The following CSRNP2 variants were observed in gnomAD, a reference collection of about 807,000 sequenced individuals.
CSRNP2 encodes cysteine and serine rich nuclear protein 2.
In CSRNP2, 11 loss-of-function variants were observed where a neutral mutation model predicts 36.6. The observed-to-expected ratio is 0.30, with a 90% CI of 0.19 to 0.50. The LOEUF is 0.50. Among genes scored for constraint, CSRNP2 ranks in the 20% least tolerant of loss-of-function variants. The pLI is 0.98. For synonymous variants in CSRNP2, 248 were observed against 275.3 expected (o/e 0.90, Z 0.98); for missense variants, 483 against 691.4 (o/e 0.70, Z 3.38).
rs528182150 is a variant in CSRNP2 at position 51,067,168 on chromosome 12, A to ACAGTATTTAGGAAATACTGTTTAGGAAT, written c.708+477_708+504dup. On this transcript the variant is annotated intron_variant, in intron 4 of 4. Transcript: ENST00000228515. This position sits in a 1 kb window ranked among gnomAD's most constrained non-coding sequence, Gnocchi z 4.1. ...ATCTCAAGGAATCAGTATTTAGGAAACAGTATTTAGGAAATACTGTTTAGG... is the reference window on the plus strand; with the variant it reads ...ATCTCAAGGAATCAGTATTTAGGAAACAGTATTTAGGAAATACTGTTTAGGAATCAGTATTTAGGAAATACTGTTTAGG... Among the ~76,000 whole-genome samples, 1,535 of 151,800 alleles carry ACAGTATTTAGGAAATACTGTTTAGGAAT rather than the reference A, an allele frequency of 0.01. 15 individuals carry two copies. The highest frequency in any genetic ancestry group is 0.02 in the Middle Eastern group (6 of 294).
At chr12:51,077,756 T>C (rs1181182908) in intron 1 of CSRNP2, among the ~76,000 whole-genome samples, 2 of 152,184 alleles carry the variant, frequency 1.3e-5, no homozygotes, top group Non-Finnish European at 2.9e-5. Context: ...TGCAAGGACA[T>C]TGTAGCTTTA....
Position 51,063,555 on chromosome 12 carries a change from T to C in CSRNP2, c.*191A>G, listed in dbSNP as rs1937785190. On this transcript the variant is annotated 3_prime_UTR_variant, in exon 5 of 5. Transcript: ENST00000228515. ...CCCCAAGACTATCCCCAGATCAAGG[T>C]AGGGCTGGTCTCCTTGGTACTGTTT... 2.1e-6 allele frequency: 1 copy of C among 468,158 alleles called. No individual in the cohort carries two copies. The highest frequency in any genetic ancestry group is 5.1e-5 in the South Asian group (1 of 19,714). 29.0% of individuals were successfully genotyped at this position (468,158 alleles called of 1,614,324 possible). A position where few individuals can be genotyped will look rare whatever the true frequency, so the allele number is the denominator to read the frequency against.
At chr12:51,068,338 G>T (rs1938617542) in intron 3 of CSRNP2, among the ~76,000 whole-genome samples, 1 of 152,062 alleles carries the variant, frequency 6.6e-6, no homozygotes, top group South Asian at 2.1e-4. Flanking sequence ...TTTCAGTAAA[G>T]ACAGGGTTTC....
chr12:51,078,117 G>C (rs1235259742), intron 1 of CSRNP2, among the ~76,000 whole-genome samples: 2 of 152,226 alleles, frequency 1.3e-5, no homozygotes, highest in Non-Finnish European at 2.9e-5. Context: ...CAGAACGACA[G>C]GGCTGCATTA....
rs1308654650 is a variant in CSRNP2, at chr12:51,083,541, A to C, written c.-289T>G. 2.0e-5 allele frequency: 3 copies of C among 152,230 alleles called. No homozygotes were observed. 9.4% of individuals were successfully genotyped at this position (152,230 alleles called of 1,614,324 possible). A position where few individuals can be genotyped will look rare whatever the true frequency, so the allele number is the denominator to read the frequency against. ...GCAGAGAGGGCCGGGCGTCTCCGGC[A>C]ACTCGGGCGCCCCCGGCAGCAGACG... On this transcript the variant is annotated 5_prime_UTR_variant, in exon 1 of 5. Transcript: ENST00000228515.
At position 51,064,194 on chromosome 12, in the gene CSRNP2, G is replaced by C; in HGVS notation, c.1184C>G (p.Thr395Ser). The C allele has an allele frequency of 6.2e-7, 1 of 1,614,170 alleles. No individual in the cohort carries two copies. Among genetic ancestry groups the C allele is most frequent in the South Asian group, 1.1e-5 (1 of 91,082 alleles). The change falls in exon 5 of 5, where the codon ACC becomes AGC. Residue 395 changes from threonine to serine, a missense_variant. Coordinates refer to ENST00000228515, the MANE Select transcript of CSRNP2 (RefSeq NM_030809.3). ...LPPGSSVLCF[T>S]ENSDHPTAST... ...GGCAGTTGGGTGGTCTGAGTTCTCG[G>C]TAAAACACAGGACAGAGGAGCCTGG...
At position 51,080,231 on chromosome 12, in the gene CSRNP2, T is replaced by C. The variant is rs1050557600; in HGVS notation, c.-87+3108A>G. 3.3e-5 allele frequency among the ~76,000 whole-genome samples: 5 copies of C among 151,984 alleles called. No individual in the cohort carries two copies. In the South Asian group the frequency reaches 6.2e-4, roughly 19 times the overall value. Reference sequence around the variant, plus strand: ...AAGGATTTATGACTGGAAGTAACTGTCCACTCCTGTTCTTTCCTCAGGTGT... The same window carrying C: ...AAGGATTTATGACTGGAAGTAACTGCCCACTCCTGTTCTTTCCTCAGGTGT... On this transcript the variant is annotated intron_variant, in intron 1 of 4. Transcript: ENST00000228515.
chr12:51,066,409 C>T (rs113552029), intron 4 of CSRNP2, among the ~76,000 whole-genome samples: 1,704 of 149,796 alleles, frequency 0.011, 34 homozygotes, highest in African/African-American at 0.038. Context: ...GCCGAGATCA[C>T]GCGCTACGGC....
chr12:51,069,287 C>CTTTTTT (rs71089740), intron 3 of CSRNP2, among the ~76,000 whole-genome samples: 4 of 121,312 alleles, frequency 3.3e-5, no homozygotes, highest in African/African-American at 6.3e-5. Flanking sequence ...CTTCTCCTTT[C>CTTTTTT]TTTTTTTTTT....
At chr12:51,082,598 GTT>G (rs1443984913) in intron 1 of CSRNP2, 6 of 152,200 alleles carry the variant, frequency 3.9e-5, no homozygotes, top group Admixed American at 3.9e-4. Flanking sequence ...CTGAAGAACA[GTT>G]TGTGTGTCAC....
chr12:51,080,127 A>AGCAG lies in CSRNP2; in HGVS notation c.-87+3208_-87+3211dup, dbSNP rs138392211. On this transcript the variant is annotated intron_variant, in intron 1 of 4. Transcript: ENST00000228515. Reference sequence around the variant, plus strand: ...GGGAGGGAGGGAAGAGAAGAAGGCAAGCAGGCAGGCAGGCAGGCAGGCAGG... The same window carrying AGCAG: ...GGGAGGGAGGGAAGAGAAGAAGGCAAGCAGGCAGGCAGGCAGGCAGGCAGGCAGG... Among the ~76,000 whole-genome samples the AGCAG allele has an allele frequency of 6.7e-3, 922 of 137,926 alleles. 12 individuals carry two copies. The highest frequency in any genetic ancestry group is 0.018 in the South Asian group (75 of 4,186). 90.5% of individuals were successfully genotyped at this position (137,926 alleles called of 152,430 possible).
At chr12:51,068,793 G>A (rs1938686056) in intron 3 of CSRNP2, among the ~76,000 whole-genome samples, 2 of 151,734 alleles carry the variant, frequency 1.3e-5, no homozygotes, top group African/African-American at 4.8e-5. Flanking sequence ...GAAAAAAAAA[G>A]GGCAAATTAA....
At chr12:51,064,762 T>C (rs1004564902) in intron 4 of CSRNP2, 93 bp from the exon 5 acceptor site, 19 of 1,157,486 alleles carry the variant, frequency 1.6e-5, no homozygotes, top group Middle Eastern at 6.1e-4. Flanking sequence ...CAGTTGGGAT[T>C]TGAGGTCTCC....
intron 4 of CSRNP2, among the ~76,000 whole-genome samples, chr12:51,065,975 A>G (rs1413189534): frequency 6.6e-6 from 1 of 152,186 alleles, no homozygotes; most frequent in African/African-American, 2.4e-5. Flanking sequence ...ATTCTTAGGG[A>G]TGGTATTGCT....
chr12:51,073,747 A>T, intron 3 of CSRNP2, 76 bp downstream of exon 3: 3 of 1,372,778 alleles, frequency 2.2e-6, no homozygotes, highest in Non-Finnish European at 2.9e-6. Flanking sequence ...AAAAAAAAAA[A>T]TCAATCAACC....
Position 51,074,014 on chromosome 12 carries a change from A to G in CSRNP2, c.220T>C (p.Tyr74His). 1 of 1,614,236 alleles carries G rather than the reference A, an allele frequency of 6.2e-7. No homozygotes were observed. The highest frequency in any genetic ancestry group is 8.5e-7 in the Non-Finnish European group (1 of 1,180,034). ...AAACCTTGGCGCCGGGCAAAGTAGTATACAGTCACCTGGTCAAAGCGTACA... is the reference window on the plus strand; with the variant it reads ...AAACCTTGGCGCCGGGCAAAGTAGTGTACAGTCACCTGGTCAAAGCGTACA... The part of the protein sequence containing the change: ...KNVRFDQVTV[Y>H]YFARRQGFTS... Residue 74 changes from tyrosine (Y) to histidine (H), a missense_variant, in exon 3 of 5, where the codon TAC (tyrosine) becomes CAC (histidine). Transcript: ENST00000228515.
rs1009260134 is a variant in CSRNP2 at position 51,067,616 on chromosome 12, C to T, written c.708+57G>A. The T allele has an allele frequency of 1.9e-6, 3 of 1,550,292 alleles. No individual in the cohort carries two copies. Among genetic ancestry groups the T allele is most frequent in the Non-Finnish European group, 2.6e-6 (3 of 1,137,150 alleles). ...GGCCTCCCATGTTCAGTGGCACCCACACCTCACCCCGCTGACCCTGGTGTA... is the reference window on the plus strand; with the variant it reads ...GGCCTCCCATGTTCAGTGGCACCCATACCTCACCCCGCTGACCCTGGTGTA... On this transcript the variant is annotated intron_variant, in intron 4 of 4. Transcript: ENST00000228515. The surrounding 1 kb of genome is among the most constrained non-coding windows in gnomAD (Gnocchi z 4.1).
chr12:51,076,773 C>T (rs1376785373), intron 1 of CSRNP2, 126 bp from the exon 2 acceptor site: 1 of 551,540 alleles, frequency 1.8e-6, no homozygotes, highest in Non-Finnish European at 3.2e-6. Flanking sequence ...ATATTACGTT[C>T]TTTCTCTACT....
intron 3 of CSRNP2, among the ~76,000 whole-genome samples, chr12:51,069,817 C>A (rs374835273): frequency 2.2e-3 from 334 of 151,802 alleles, no homozygotes; most frequent in African/African-American, 7.6e-3. Flanking sequence ...CTTAGCCTCC[C>A]GAGTAGTTGG....
Sources: gnomAD v4.1 joint callset for allele counts (sites outside exome capture counted in the v4.1 genomes callset) on GRCh38, gnomAD v4.1.1 for gene constraint, Gnocchi (gnomAD v3.1) non-coding constraint, MANE v1.5 for transcripts, NCBI Gene and HGNC (gene_info 2026-07-23, HGNC 2026-07-21) for gene names.